TULP4: variants seen among roughly 807,000 people sequenced by gnomAD.
TULP4 encodes the protein TUB like protein 4.
A neutral mutation model predicts 129.0 loss-of-function variants in TULP4; 16 were observed. The observed-to-expected ratio is 0.12, with a 90% CI of 0.08 to 0.19. The LOEUF is 0.19. Among genes scored for constraint, TULP4 ranks in the 10% least tolerant of loss-of-function variants. TULP4 has a pLI of 1.00. For missense variants in TULP4, 1,842 were observed against 2,059.1 expected, an observed-to-expected ratio of 0.89 and a Z score of 2.04; for synonymous variants, 998 against 854.0, an observed-to-expected ratio of 1.17 and a Z score of -2.94.
At position 158,502,219 on chromosome 6, in the gene TULP4, C is replaced by G; in HGVS notation, c.2556C>G (p.Pro852=). ...PAAPTTAAPP[P]PLPPPQPPVD... ...CCCCCACCACAGCAGCACCCCCGCC[C>G]CCTCTGCCGCCCCCACAGCCCCCAG... Residue 852 remains proline (P), a synonymous_variant, in exon 13 of 14, where the codon CCC becomes CCG. Transcript: ENST00000367097. 1 of 1,520,398 alleles carries G rather than the reference C, an allele frequency of 6.6e-7. No individual in the cohort carries two copies. The highest frequency in any genetic ancestry group is 8.9e-7 in the Non-Finnish European group (1 of 1,118,560). The allele number at this position is 1,520,398 out of a possible 1,614,324, so 94.2% of individuals were successfully genotyped here. A position where few individuals can be genotyped will look rare whatever the true frequency, so the allele number is the denominator to read the frequency against.
In TULP4 at chr6:158,371,264, G is replaced by A. The variant is rs1202315475; in HGVS notation, c.253-41801G>A. 2.0e-5 allele frequency among the ~76,000 whole-genome samples: 3 copies of A among 152,164 alleles called. No individual in the cohort carries two copies. The East Asian group carries it at 5.8e-4, about 29-fold the overall frequency. ...TCTAACAGTAGAAACTGGAGACAAA[G>A]CCCACACGGAGGAGAACTGGGAGCA... is the stretch of plus-strand genomic sequence containing the variant. On this transcript the variant is annotated intron_variant, in intron 1 of 13. Coordinates refer to ENST00000367097, the MANE Select transcript of TULP4 (RefSeq NM_020245.5).
chr6:158,459,704 T>G (rs1779379844), intron 5 of TULP4, among the ~76,000 whole-genome samples: 1 of 152,182 alleles, frequency 6.6e-6, no homozygotes, highest in Admixed American at 6.5e-5. Flanking sequence ...GCTGTGGAAA[T>G]TTCATGTCGT....
intron 1 of TULP4, among the ~76,000 whole-genome samples, chr6:158,305,053 TC>T (rs910146064): frequency 1.3e-5 from 2 of 152,110 alleles, no homozygotes; most frequent in African/African-American, 4.8e-5. Context: ...AGAACTCTTT[TC>T]ATCTTACAAA....
At chr6:158,395,815 AT>A (rs5881261) in intron 1 of TULP4, among the ~76,000 whole-genome samples, 12,239 of 147,640 alleles carry the variant, frequency 0.083, 685 homozygotes, top group Non-Finnish European at 0.12. Context: ...TTTTTCTTTG[AT>A]TTTTTTTTTT....
At position 158,503,341 on chromosome 6, in the gene TULP4, C is replaced by T. The variant is rs34266316; in HGVS notation, c.3678C>T (p.Val1226=). The change falls in exon 13 of 14, where the codon GTC becomes GTT. Residue 1226 remains valine, a synonymous_variant. Coordinates refer to ENST00000367097, the MANE Select transcript of TULP4 (RefSeq NM_020245.5). The surrounding 1 kb of genome is among the most constrained non-coding windows in gnomAD (Gnocchi z 4.3). ...TQFAQQEPAV[V]LQPLYPPSLS... is the part of the protein sequence containing the mutation. ...TTGCACAACAGGAGCCTGCTGTGGT[C>T]CTTCAGCCGCTGTACCCACCCAGCC... The T allele has an allele frequency of 9.2e-4, 1,486 of 1,613,586 alleles. 2 individuals carry two copies. The highest frequency in any genetic ancestry group is 1.2e-3 in the Non-Finnish European group (1,396 of 1,179,958).
intron 1 of TULP4, among the ~76,000 whole-genome samples, chr6:158,287,996 G>A (rs1462362137): frequency 2.0e-5 from 3 of 152,150 alleles, no homozygotes; most frequent in Non-Finnish European, 2.9e-5. Context: ...TTAACTGAGG[G>A]GAGGTCATGT....
intron 1 of TULP4, among the ~76,000 whole-genome samples, chr6:158,384,655 ATTTG>A (rs1039573947): frequency 6.6e-6 from 1 of 152,074 alleles, no homozygotes. Flanking sequence ...AAGTATTTGA[ATTTG>A]TTTGACAGGT....
intron 12 of TULP4, among the ~76,000 whole-genome samples, chr6:158,501,463 G>A (rs1458616662): frequency 6.6e-6 from 1 of 152,188 alleles, no homozygotes; most frequent in Non-Finnish European, 1.5e-5. Context: ...AGTTCTGACA[G>A]TACCCTTAGC....
chr6:158,464,647 C>T (rs924646796), intron 6 of TULP4, among the ~76,000 whole-genome samples: 5 of 152,334 alleles, frequency 3.3e-5, no homozygotes, highest in Middle Eastern at 3.4e-3. Context: ...GATCCGCCCT[C>T]CTCGGCCTCC....
intron 1 of TULP4, among the ~76,000 whole-genome samples, chr6:158,328,125 T>TGTGTGC (rs1554280506): frequency 9.6e-5 from 5 of 52,172 alleles, no homozygotes; most frequent in African/African-American, 3.0e-4. Context: ...TGTGTGTGTG[T>TGTGTGC]GTGCGTGCGT....
chr6:158,448,009 G>A (rs1562570206), intron 3 of TULP4, among the ~76,000 whole-genome samples: 1 of 152,204 alleles, frequency 6.6e-6, no homozygotes, highest in African/African-American at 2.4e-5. Flanking sequence ...AGGTCCTGCT[G>A]CCCAGGACCC....
At chr6:158,294,312 G>A (rs1333332788) in intron 1 of TULP4, among the ~76,000 whole-genome samples, 1 of 151,094 alleles carries the variant, frequency 6.6e-6, no homozygotes, top group Non-Finnish European at 1.5e-5. Flanking sequence ...GCAATGAGCC[G>A]AGACCGTGCC....
chr6:158,262,440 CAG>C, intron 1 of TULP4, among the ~76,000 whole-genome samples: 1 of 152,152 alleles, frequency 6.6e-6, no homozygotes, highest in East Asian at 1.9e-4. Context: ...GGCACATTCT[CAG>C]GGGTCGTATT....
At chr6:158,425,529 AAAAAAAAT>A (rs1333151864) in intron 2 of TULP4, among the ~76,000 whole-genome samples, 2 of 149,442 alleles carry the variant, frequency 1.3e-5, no homozygotes, top group African/African-American at 5.0e-5. Context: ...AAAAAAAAAA[AAAAAAAAT>A]GGCAGCCGAC....
rs1367637153 is a variant in TULP4, at chr6:158,351,944, G to A, written c.252+37676G>A. ...ACCATGTTGGCCAGGCTGGTCTTGA[G>A]CCCCTGACCTCAGATGATGCGTCTG... On this transcript the variant is annotated intron_variant, in intron 1 of 13. Coordinates refer to ENST00000367097, the MANE Select transcript of TULP4 (RefSeq NM_020245.5). Among the ~76,000 whole-genome samples the A allele has an allele frequency of 4.6e-5, 7 of 151,898 alleles. No individual in the cohort carries two copies. The East Asian group carries it at 7.7e-4, about 17-fold the overall frequency.
chr6:158,275,544 G>T (rs1583696504), intron 1 of TULP4, among the ~76,000 whole-genome samples: 2 of 152,150 alleles, frequency 1.3e-5, no homozygotes, highest in Admixed American at 6.5e-5. Flanking sequence ...ACTTTCTTTA[G>T]CTCTCAATGC....
At chr6:158,418,519 G>A (rs1414043427) in intron 2 of TULP4, among the ~76,000 whole-genome samples, 1 of 151,932 alleles carries the variant, frequency 6.6e-6, no homozygotes, top group Non-Finnish European at 1.5e-5. Flanking sequence ...GAGCCAAGTG[G>A]CTAGTTGGGA....
chr6:158,474,276 C>G (rs891218836), intron 6 of TULP4, among the ~76,000 whole-genome samples: 8 of 152,174 alleles, frequency 5.3e-5, no homozygotes, highest in African/African-American at 9.7e-5. Context: ...GGCTGGAGAG[C>G]CTCCGACTGT....
At chr6:158,312,332 CA>C, upstream of TULP4, 2 of 389,808 alleles carry the variant, frequency 5.1e-6, no homozygotes, top group Non-Finnish European at 9.0e-6. Flanking sequence ...GCCAGTTTTC[CA>C]TATGGTCTGC....
Sources: gnomAD v4.1 joint callset for allele counts (sites outside exome capture counted in the v4.1 genomes callset) on GRCh38, gnomAD v4.1.1 for gene constraint, Gnocchi (gnomAD v3.1) non-coding constraint, MANE v1.5 for transcripts, NCBI Gene and HGNC (gene_info 2026-07-23, HGNC 2026-07-21) for gene names.